SDK1: variants seen among roughly 807,000 people sequenced by gnomAD.
SDK1 encodes the protein sidekick cell adhesion molecule 1, also known as protein sidekick-1.
In SDK1, 157 loss-of-function variants were observed where a neutral mutation model predicts 245.5. The observed-to-expected ratio is 0.64, with a 90% confidence interval of 0.56 to 0.73. The LOEUF (loss-of-function observed/expected upper bound fraction) is 0.73. Ranked by LOEUF, SDK1 falls within the 30% of genes least tolerant of loss-of-function variation. The pLI, the probability that SDK1 is intolerant of heterozygous loss-of-function variation, is 0.00. For missense variants in SDK1, 3,583 were observed against 3,002.3 expected (o/e 1.19, Z -4.52); for synonymous variants, 1,647 against 1,278.5 (o/e 1.29, Z -6.15).
intron 5 of SDK1, among the ~76,000 whole-genome samples, chr7:3,893,340 G>A (rs182806437): frequency 2.6e-4 from 39 of 152,234 alleles, no homozygotes; most frequent in African/African-American, 8.2e-4. Context: ...GATGGCCGGG[G>A]GGAGGATCCT....
intron 4 of SDK1, among the ~76,000 whole-genome samples, chr7:3,803,793 G>T (rs1215242071): frequency 6.8e-6 from 1 of 146,800 alleles, no homozygotes; most frequent in Non-Finnish European, 1.5e-5. Context: ...TGTTGCCCAG[G>T]CTGGAGTGCA....
At chr7:3,597,929 CT>C (rs143697426) in intron 1 of SDK1, among the ~76,000 whole-genome samples, 4 of 152,006 alleles carry the variant, frequency 2.6e-5, no homozygotes, top group African/African-American at 9.7e-5. Context: ...TGGATGTATG[CT>C]TTTTTTCCTC....
At chr7:3,645,963 A>T (rs1782822167) in intron 4 of SDK1, among the ~76,000 whole-genome samples, 1 of 151,920 alleles carries the variant, frequency 6.6e-6, no homozygotes, top group Non-Finnish European at 1.5e-5. Context: ...AGGTCAAGCG[A>T]TGTTCCTACC....
chr7:3,831,361 T>C (rs1779907884), intron 5 of SDK1, among the ~76,000 whole-genome samples: 1 of 152,228 alleles, frequency 6.6e-6, no homozygotes, highest in African/African-American at 2.4e-5. Flanking sequence ...AGTATGATTT[T>C]TCCTTTTACG....
intron 42 of SDK1, among the ~76,000 whole-genome samples, chr7:4,240,329 C>T (rs924569787): frequency 1.3e-5 from 2 of 152,102 alleles, no homozygotes; most frequent in African/African-American, 4.8e-5. Flanking sequence ...AGAATGTCTC[C>T]CGTCCTGCCC....
intron 4 of SDK1, among the ~76,000 whole-genome samples, chr7:3,651,046 A>T (rs1284444849): frequency 6.6e-6 from 1 of 151,920 alleles, no homozygotes; most frequent in Non-Finnish European, 1.5e-5. Context: ...TCTGTGCATG[A>T]ACATAAGACT....
intron 4 of SDK1, among the ~76,000 whole-genome samples, chr7:3,761,258 T>TG (rs1223664735): frequency 1.7e-4 from 19 of 114,372 alleles, no homozygotes; most frequent in African/African-American, 7.3e-4. Flanking sequence ...AAGCCCCCCC[T>TG]CCTTTTTTTT....
intron 1 of SDK1, among the ~76,000 whole-genome samples, chr7:3,330,957 C>A (rs143193844): frequency 1.5e-4 from 23 of 151,830 alleles, no homozygotes; most frequent in African/African-American, 4.8e-4. Context: ...CAGAGTAAGA[C>A]CCTGTCTCTT....
Position 4,145,753 on chromosome 7 carries a change from C to A in SDK1, c.4260C>A (p.Ser1420Arg), listed in dbSNP as rs763904041. The A allele has an allele frequency of 1.9e-6, 3 of 1,611,036 alleles. 1 individual carries two copies. The South Asian group carries it at 3.3e-5, about 18-fold the overall frequency. Residue 1420 changes from serine to arginine, a missense_variant, in exon 29 of 45, where the codon AGC (serine) becomes AGA (arginine). By Grantham distance (110) the Ser-to-Arg change is moderately radical. Transcript: ENST00000404826. The stretch of plus-strand genomic sequence containing the variant: ...AGATTGCCTACCGCCTGGCCAGCAG[C>A]AGCCCCCACACCTTCACCACCGTGG... ...GYQIAYRLASSSPHTFTTVEV... is the reference protein window; with the variant it reads ...GYQIAYRLASRSPHTFTTVEV...
chr7:4,023,031 C>T lies in SDK1; in HGVS notation c.2602+5679C>T, dbSNP rs192521573. 8.8e-3 allele frequency among the ~76,000 whole-genome samples: 1,345 copies of T among 152,182 alleles called. 22 individuals are homozygous for T. The highest frequency in any genetic ancestry group is 0.031 in the African/African-American group (1,284 of 41,520). The stretch of plus-strand genomic sequence containing the variant: ...CCTCGTGATCCGCCTGCCTCGGCCT[C>T]CCAAAGTGCTGGGATTACAGGTGTG... On this transcript the variant is annotated intron_variant, in intron 17 of 44. Coordinates refer to ENST00000404826, the MANE Select transcript of SDK1 (RefSeq NM_152744.4).
chr7:3,313,364 G>C (rs191556125), intron 1 of SDK1, among the ~76,000 whole-genome samples: 1 of 152,142 alleles, frequency 6.6e-6, no homozygotes, highest in Admixed American at 6.5e-5. Flanking sequence ...CTGAGGTTGC[G>C]CCATTGTATT....
chr7:4,033,092 G>C (rs1257796650), intron 17 of SDK1, among the ~76,000 whole-genome samples: 2 of 152,208 alleles, frequency 1.3e-5, no homozygotes, highest in African/African-American at 4.8e-5. Context: ...AACTAAAATG[G>C]TGTGTCTATT....
chr7:3,971,486 C>T lies in SDK1; in HGVS notation c.1735C>T (p.Pro579Ser), dbSNP rs1782484031. 6.2e-7 allele frequency: 1 copy of T among 1,612,858 alleles called. No individual in the cohort carries two copies. The highest frequency in any genetic ancestry group is 8.5e-7 in the Non-Finnish European group (1 of 1,179,184). ...TTCAGATCGGACGTCCATCGTCCACCCTCCTGAGGACCACGTGGTGATTAA... is the reference window on the plus strand; with the variant it reads ...TTCAGATCGGACGTCCATCGTCCACTCTCCTGAGGACCACGTGGTGATTAA... The part of the protein sequence containing the change: ...TVWNRTSIVH[P>S]PEDHVVIKGT... The change falls in exon 12 of 45, where the codon CCT (proline) becomes TCT (serine). Residue 579 changes from proline to serine, a missense_variant. Coordinates refer to ENST00000404826, the MANE Select transcript of SDK1 (RefSeq NM_152744.4).
chr7:3,357,991 C>T (rs1780850904), intron 1 of SDK1, among the ~76,000 whole-genome samples: 1 of 152,018 alleles, frequency 6.6e-6, no homozygotes, highest in South Asian at 2.1e-4. Flanking sequence ...CATAGATTGA[C>T]ATATAAGCTA....
At chr7:4,083,648 C>G in intron 22 of SDK1, among the ~76,000 whole-genome samples, 1 of 26,602 alleles carries the variant, frequency 3.8e-5, no homozygotes, top group Non-Finnish European at 7.5e-5. Context: ...TTCCTTCCTT[C>G]CTCCACCCCT....
intron 17 of SDK1, among the ~76,000 whole-genome samples, chr7:4,047,037 C>G (rs972653078): frequency 6.6e-6 from 1 of 152,114 alleles, no homozygotes; most frequent in African/African-American, 2.4e-5. Flanking sequence ...GTTTTCCGTG[C>G]ACAGCTATTG....
intron 4 of SDK1, among the ~76,000 whole-genome samples, chr7:3,702,742 G>C (rs1312624161): frequency 6.6e-6 from 1 of 152,124 alleles, no homozygotes; most frequent in Non-Finnish European, 1.5e-5. Flanking sequence ...TCATTGACTA[G>C]AAAATAAATT....
chr7:3,905,545 A>T (rs1159266585), intron 5 of SDK1, among the ~76,000 whole-genome samples: 1 of 152,116 alleles, frequency 6.6e-6, no homozygotes, highest in African/African-American at 2.4e-5. Context: ...TTTGCTGTCT[A>T]CAGTTTCACT....
intron 1 of SDK1, among the ~76,000 whole-genome samples, chr7:3,564,969 G>GA (rs777066028): frequency 1.1e-4 from 17 of 152,022 alleles, no homozygotes; most frequent in Non-Finnish European, 2.1e-4. Flanking sequence ...TTTCCAAGCA[G>GA]AAGGAGATAT....
Sources: gnomAD v4.1 joint callset for allele counts (sites outside exome capture counted in the v4.1 genomes callset) on GRCh38, gnomAD v4.1.1 for gene constraint, MANE v1.5 for transcripts, NCBI Gene and HGNC (gene_info 2026-07-23, HGNC 2026-07-21) for gene names.